MGA: variants seen among roughly 807,000 people sequenced by gnomAD.
MGA encodes MAX dimerization protein MGA, also known as MAX gene-associated protein.
MGA carries 40 observed loss-of-function variants against 261.1 expected under a neutral mutation model. The observed-to-expected ratio is 0.15, with a 90% CI of 0.12 to 0.20. MGA has a LOEUF of 0.20. MGA is among the 10% of genes least tolerant of loss of function. The pLI, the probability that MGA is intolerant of heterozygous loss-of-function variation, is 1.00. For synonymous variants in MGA, 1,302 were observed against 1,290.6 expected (o/e 1.01, Z -0.19); for missense variants, 3,397 against 3,630.5 (o/e 0.94, Z 1.65).
intron 7 of MGA, 142 bp from the exon 8 acceptor site, chr15:41,710,549 G>T: frequency 1.2e-6 from 1 of 814,418 alleles, no homozygotes; most frequent in South Asian, 1.9e-5. Context: ...TTACAGGTGG[G>T]AGTCACTGTG....
At position 41,736,198 on chromosome 15, in the gene MGA, T is replaced by C. The variant is rs936594055; in HGVS notation, c.3934T>C (p.Ser1312Pro). Residue 1312 changes from serine (S) to proline (P), a missense_variant, in exon 13 of 24, where the codon TCC becomes CCC. Ser to Pro is a moderately conservative substitution (Grantham distance 74). Coordinates refer to ENST00000219905, the MANE Select transcript of MGA (RefSeq NM_001164273.2). ...TACATCAGAAAAGAGCTGGAAGTCT[T>C]CCTGCAATGAAGGAGAATCCTCTTC... is the stretch of plus-strand genomic sequence containing the variant. 4 of 1,570,916 alleles carry C rather than the reference T, an allele frequency of 2.5e-6. No homozygotes were observed. The highest frequency in any genetic ancestry group is 3.5e-6 in the Non-Finnish European group (4 of 1,159,090).
chr15:41,757,164 C>T lies in MGA; in HGVS notation c.7140-624C>T, dbSNP rs903603892. On this transcript the variant is annotated intron_variant, in intron 18 of 23. Transcript: ENST00000219905. ...GGTTCATATGTGGGTGTTCATTATA[C>T]GCTTGGTCCTCCTTCACGGATGGGA... 8.5e-5 allele frequency among the ~76,000 whole-genome samples: 13 copies of T among 152,068 alleles called. 1 individual carries two copies. Among genetic ancestry groups the T allele is most frequent in the Admixed American group, 2.0e-4 (3 of 15,260 alleles).
At chr15:41,671,228 G>A (rs560604460) in intron 2 of MGA, among the ~76,000 whole-genome samples, 1 of 152,294 alleles carries the variant, frequency 6.6e-6, no homozygotes, top group Admixed American at 6.5e-5. Flanking sequence ...GGATGAGATG[G>A]GGGGGAGGAT....
intron 5 of MGA, 122 bp from the exon 6 acceptor site, chr15:41,707,606 T>C: frequency 1.1e-6 from 1 of 899,570 alleles, no homozygotes. Context: ...TGCTCTTCAC[T>C]ATCTCCTTTC....
upstream of MGA, among the ~76,000 whole-genome samples, chr15:41,659,951 G>A (rs1324991533): frequency 6.6e-6 from 1 of 152,220 alleles, no homozygotes; most frequent in African/African-American, 2.4e-5. Flanking sequence ...TCCAAGCCCC[G>A]GTACTCCGGG....
chr15:41,750,333 T>G lies in MGA; in HGVS notation c.6726T>G (p.Asp2242Glu), dbSNP rs1227527261. 1 of 1,613,904 alleles carries G rather than the reference T, an allele frequency of 6.2e-7. No individual in the cohort carries two copies. The highest frequency in any genetic ancestry group is 2.2e-5 in the East Asian group (1 of 44,900). ...CCAGAGTTTTGAAAACTGAATGTGA[T>G]TCTTGGAGTAGGATTTCTAATCCTT... Residue 2242 changes from aspartate (D) to glutamate (E), a missense_variant, in exon 17 of 24, where the codon GAT becomes GAG. This residue lies in a region of MGA where 1,410 missense variants were observed against 1,386.4 expected (regional missense o/e 1.02). Coordinates refer to ENST00000219905, the MANE Select transcript of MGA (RefSeq NM_001164273.2).
intron 1 of MGA, among the ~76,000 whole-genome samples, chr15:41,626,672 C>T (rs1352013783): frequency 1.3e-5 from 2 of 152,184 alleles, no homozygotes; most frequent in Non-Finnish European, 2.9e-5. Flanking sequence ...ATCCACCCGC[C>T]TTGGCTTCCC....
intron 1 of MGA, among the ~76,000 whole-genome samples, chr15:41,622,000 T>C (rs1489747547): frequency 8.1e-6 from 1 of 122,756 alleles, no homozygotes; most frequent in Non-Finnish European, 1.6e-5. Context: ...GAAGGTCACA[T>C]GACGAGGTTG....
intron 23 of MGA, among the ~76,000 whole-genome samples, chr15:41,765,612 A>G (rs1045181942): frequency 2.0e-5 from 3 of 152,200 alleles, no homozygotes; most frequent in Admixed American, 6.5e-5. Context: ...CCTGTTGCCA[A>G]ACTCACTCTG....
intron 2 of MGA, among the ~76,000 whole-genome samples, chr15:41,694,675 C>T (rs552856579): frequency 5.3e-5 from 8 of 151,908 alleles, no homozygotes; most frequent in South Asian, 4.2e-4. Context: ...TACAGGCGCC[C>T]GCCACCACGC....
At chr15:41,734,866 T>C (rs1230130914) in intron 12 of MGA, among the ~76,000 whole-genome samples, 1 of 152,190 alleles carries the variant, frequency 6.6e-6, no homozygotes. Context: ...TGAGTTTTTT[T>C]TTTTTTAACC....
At chr15:41,630,778 C>G (rs1041268178) in intron 1 of MGA, among the ~76,000 whole-genome samples, 1 of 152,162 alleles carries the variant, frequency 6.6e-6, no homozygotes, top group South Asian at 2.1e-4. Flanking sequence ...TAACAGTACA[C>G]GTGTACTTTG....
At chr15:41,673,219 C>CA (rs1555408398) in intron 2 of MGA, among the ~76,000 whole-genome samples, 1 of 150,896 alleles carries the variant, frequency 6.6e-6, no homozygotes, top group East Asian at 1.9e-4. Flanking sequence ...TTCTTTCTTT[C>CA]TTTTTTTTTC....
At chr15:41,746,457 A>G (rs1472657906) in intron 15 of MGA, among the ~76,000 whole-genome samples, 1 of 150,536 alleles carries the variant, frequency 6.6e-6, no homozygotes, top group Non-Finnish European at 1.5e-5. Flanking sequence ...AGGCAGGAGA[A>G]TCGCTTGAAC....
chr15:41,753,661 A>G (rs1595985484), intron 17 of MGA, among the ~76,000 whole-genome samples: 1 of 152,022 alleles, frequency 6.6e-6, no homozygotes, highest in Non-Finnish European at 1.5e-5. Context: ...CTATTTCTAT[A>G]CCTGCCTGTG....
At chr15:41,745,095 T>C (rs1474805579) in intron 15 of MGA, among the ~76,000 whole-genome samples, 1 of 151,942 alleles carries the variant, frequency 6.6e-6, no homozygotes, top group Non-Finnish European at 1.5e-5. Flanking sequence ...ACCAGGCTTG[T>C]GTTAAACTCT....
At chr15:41,657,374 G>A (rs150333082), upstream of MGA, among the ~76,000 whole-genome samples, 1 of 107,500 alleles carries the variant, frequency 9.3e-6, no homozygotes, top group Non-Finnish European at 1.8e-5. Context: ...TTTTTTTTGA[G>A]ATGGAGTCTT....
Position 41,696,322 on chromosome 15 carries a change from G to C in MGA, c.1312G>C (p.Ala438Pro). Residue 438 changes from alanine (A) to proline (P), a missense_variant, in exon 3 of 24, where the codon GCT becomes CCT. Coordinates refer to ENST00000219905, the MANE Select transcript of MGA (RefSeq NM_001164273.2). ...GCACAATAAAGTTGACAACCCAGAA[G>C]CTGACCATCTATCTTCTAAATGGCT... 1 of 1,613,936 alleles carries C rather than the reference G, an allele frequency of 6.2e-7. No individual in the cohort carries two copies. The highest frequency in any genetic ancestry group is 8.5e-7 in the Non-Finnish European group (1 of 1,179,902).
At chr15:41,675,053 A>G (rs1233376428) in intron 2 of MGA, among the ~76,000 whole-genome samples, 1 of 152,104 alleles carries the variant, frequency 6.6e-6, no homozygotes, top group Non-Finnish European at 1.5e-5. Context: ...ATTGATGTAT[A>G]TTTGGATTGT....
Sources: gnomAD v4.1 joint callset for allele counts (sites outside exome capture counted in the v4.1 genomes callset) on GRCh38, gnomAD v4.1.1 for gene constraint, gnomAD v4.1.1 regional missense constraint, MANE v1.5 for transcripts, NCBI Gene and HGNC (gene_info 2026-07-23, HGNC 2026-07-21) for gene names.